RP9: variants seen among roughly 807,000 people sequenced by gnomAD.
RP9 encodes the protein retinitis pigmentosa 9 protein.
RP9 carries 23 observed loss-of-function variants against 32.6 expected under a neutral mutation model. The ratio of observed to expected loss-of-function variants is 0.71; its 90% CI spans 0.51 to 1.00. The LOEUF (loss-of-function observed/expected upper bound fraction) is 1.00, where lower values mean the gene tolerates loss of function less well. RP9 is among the 50% of genes least tolerant of loss of function. RP9 has a pLI of 0.00. For synonymous variants in RP9, 94 were observed against 103.6 expected, an observed-to-expected ratio of 0.91 and a Z score of 0.56; for missense variants, 245 against 285.3, an observed-to-expected ratio of 0.86 and a Z score of 1.02.
At chr7:33,100,891 C>T in intron 1 of RP9, 2 of 470,658 alleles carry the variant, frequency 4.2e-6, no homozygotes, top group African/African-American at 2.0e-5. Flanking sequence ...GGTGTTTGTG[C>T]ACTCAAAGAG....
intron 2 of RP9, 25 bp downstream of exon 2, chr7:33,100,506 C>A (rs1189674663): frequency 6.2e-7 from 1 of 1,600,356 alleles, no homozygotes; most frequent in Non-Finnish European, 8.6e-7. Context: ...TGTGGAATAA[C>A]CAAGAGTACA....
At chr7:33,096,057 C>T (rs376990231) in intron 5 of RP9, among the ~76,000 whole-genome samples, 6 of 152,278 alleles carry the variant, frequency 3.9e-5, no homozygotes, top group African/African-American at 4.8e-5. Context: ...TGGTCTCAAA[C>T]GCCTGGACTT....
At chr7:33,095,584 C>G in intron 5 of RP9, 152 bp from the exon 6 acceptor site, 1 of 1,370,724 alleles carries the variant, frequency 7.3e-7, no homozygotes, top group Non-Finnish European at 9.9e-7. Context: ...TCTCATTCTT[C>G]TCCACCTGAA....
intron 2 of RP9, among the ~76,000 whole-genome samples, chr7:33,099,843 C>T (rs1237869033): frequency 6.6e-6 from 1 of 152,132 alleles, no homozygotes; most frequent in Non-Finnish European, 1.5e-5. Flanking sequence ...ACCCTGAAGG[C>T]CCTGTCATGT....
rs376058131 is a variant in RP9 at position 33,095,183 on chromosome 7, T to C, written c.*51A>G. 2 of 1,592,452 alleles carry C rather than the reference T, an allele frequency of 1.3e-6. No individual in the cohort carries two copies. The highest frequency in any genetic ancestry group is 1.7e-6 in the Non-Finnish European group (2 of 1,160,792). ...TGCTTTCTCTGACTGCATCTTCCTC[T>C]GTTCCTTGGTCAGTGTTTGAGAAGA... On this transcript the variant is annotated 3_prime_UTR_variant, in exon 6 of 6. Transcript: ENST00000297157.
intron 1 of RP9, among the ~76,000 whole-genome samples, chr7:33,101,853 A>T (rs1788430542): frequency 6.6e-6 from 1 of 152,250 alleles, no homozygotes; most frequent in South Asian, 2.1e-4. Flanking sequence ...GGAAATCTGC[A>T]CAACTTGTGA....
chr7:33,109,390 C>A lies in RP9; in HGVS notation c.-18G>T. Reference sequence around the variant, plus strand: ...GACGACATGTCAGCCCCCGCAGCGCCGCTCGGGCAACCCCCGCGGCGCGGC... The same window carrying A: ...GACGACATGTCAGCCCCCGCAGCGCAGCTCGGGCAACCCCCGCGGCGCGGC... On this transcript the variant is annotated 5_prime_UTR_variant, in exon 1 of 6. Coordinates refer to ENST00000297157, the MANE Select transcript of RP9 (RefSeq NM_203288.2). This position sits in a 1 kb window ranked among gnomAD's most constrained non-coding sequence, Gnocchi z 4.9. 1 of 1,218,146 alleles carries A rather than the reference C, an allele frequency of 8.2e-7. No individual in the cohort carries two copies. Among genetic ancestry groups the A allele is most frequent in the Non-Finnish European group, 1.0e-6 (1 of 974,780 alleles). 75.5% of individuals were successfully genotyped at this position (1,218,146 alleles called of 1,614,324 possible). A position where few individuals can be genotyped will look rare whatever the true frequency, so the allele number is the denominator to read the frequency against.
In RP9 at chr7:33,109,300, C is replaced by T; in HGVS notation, c.73G>A (p.Glu25Lys). The T allele has an allele frequency of 1.4e-6, 2 of 1,475,390 alleles. No homozygotes were observed. The highest frequency in any genetic ancestry group is 1.8e-6 in the Non-Finnish European group (2 of 1,117,478). The allele number at this position is 1,475,390 out of a possible 1,614,324, so 91.4% of individuals were successfully genotyped here. A position where few individuals can be genotyped will look rare whatever the true frequency, so the allele number is the denominator to read the frequency against. ...ARRPREPPEQ[E>K]LQRRREQKRR... is the part of the protein sequence containing the mutation. Reference sequence around the variant, plus strand: ...TTCTGCTCCCGACGTCGCTGCAGCTCCTGCTCCGGCGGCTCACGCGGCCGC... The same window carrying T: ...TTCTGCTCCCGACGTCGCTGCAGCTTCTGCTCCGGCGGCTCACGCGGCCGC... Residue 25 changes from glutamate to lysine, a missense_variant, in exon 1 of 6, where the codon GAG (glutamate) becomes AAG (lysine). This residue lies in a region of RP9 where 182 missense variants were observed against 175.5 expected (regional missense o/e 1.04). Coordinates refer to ENST00000297157, the MANE Select transcript of RP9 (RefSeq NM_203288.2). The surrounding 1 kb of genome is among the most constrained non-coding windows in gnomAD (Gnocchi z 4.9).
intron 3 of RP9, among the ~76,000 whole-genome samples, chr7:33,097,607 GAATTACTTCAAA>G (rs1380954368): frequency 2.0e-5 from 3 of 152,120 alleles, no homozygotes; most frequent in Non-Finnish European, 4.4e-5. Flanking sequence ...ATCCAATGGA[GAATTACTTCAAA>G]AGGTGAATTT....
intron 1 of RP9, among the ~76,000 whole-genome samples, chr7:33,101,821 G>A (rs915090134): frequency 6.6e-6 from 1 of 152,144 alleles, no homozygotes; most frequent in Non-Finnish European, 1.5e-5. Flanking sequence ...GCATGACATA[G>A]GCCTAATGGA....
intron 1 of RP9, chr7:33,100,814 A>C: frequency 1.6e-6 from 1 of 642,274 alleles, no homozygotes; most frequent in Non-Finnish European, 2.9e-6. Flanking sequence ...GAGGAGACCC[A>C]GAATGCTGAG....
chr7:33,099,940 G>A (rs966432465), intron 2 of RP9, among the ~76,000 whole-genome samples: 3 of 151,884 alleles, frequency 2.0e-5, no homozygotes, highest in African/African-American at 7.3e-5. Flanking sequence ...TCAAACTTTT[G>A]GATTTTTTTC....
intron 1 of RP9, among the ~76,000 whole-genome samples, chr7:33,103,905 G>C (rs1788463575): frequency 6.6e-6 from 1 of 151,974 alleles, no homozygotes; most frequent in African/African-American, 2.4e-5. Context: ...ATGTAAGACA[G>C]CAATCAAAAT....
intron 1 of RP9, among the ~76,000 whole-genome samples, chr7:33,106,294 A>G (rs1788496967): frequency 6.6e-6 from 1 of 151,890 alleles, no homozygotes; most frequent in South Asian, 2.1e-4. Context: ...TCAGCCTCCC[A>G]AGTAGCTGGA....
chr7:33,109,163 G>T lies in RP9; in HGVS notation c.152+58C>A. 6.8e-7 allele frequency: 1 copy of T among 1,465,578 alleles called. No homozygotes were observed. Among genetic ancestry groups the T allele is most frequent in the Non-Finnish European group, 9.0e-7 (1 of 1,109,586 alleles). 90.8% of individuals were successfully genotyped at this position (1,465,578 alleles called of 1,614,324 possible). Reference sequence around the variant, plus strand: ...CCTAGCGCCCACCGCGGCGTCCCGCGCCCCGGGCCCCTGGCTTCAGAAGAC... The same window carrying T: ...CCTAGCGCCCACCGCGGCGTCCCGCTCCCCGGGCCCCTGGCTTCAGAAGAC... On this transcript the variant is annotated intron_variant, in intron 1 of 5. Coordinates refer to ENST00000297157, the MANE Select transcript of RP9 (RefSeq NM_203288.2). This position sits in a 1 kb window ranked among gnomAD's most constrained non-coding sequence, Gnocchi z 4.9.
chr7:33,108,397 C>T (rs923793219), intron 1 of RP9, among the ~76,000 whole-genome samples: 2 of 152,184 alleles, frequency 1.3e-5, no homozygotes, highest in Non-Finnish European at 2.9e-5. Flanking sequence ...AACATGCCAC[C>T]CTGGCATATT....
intron 3 of RP9, among the ~76,000 whole-genome samples, chr7:33,097,585 A>G (rs1172658733): frequency 6.6e-6 from 1 of 152,162 alleles, no homozygotes; most frequent in Non-Finnish European, 1.5e-5. Context: ...ATCACCAAGT[A>G]TTTATGAAGC....
chr7:33,095,646 T>C (rs1276992516), intron 5 of RP9, among the ~76,000 whole-genome samples: 1 of 152,214 alleles, frequency 6.6e-6, no homozygotes, highest in East Asian at 1.9e-4. Flanking sequence ...GTATTCTTTT[T>C]ATTGTCCTAG....
chr7:33,098,204 G>A (rs1788369904), intron 3 of RP9, among the ~76,000 whole-genome samples: 2 of 151,976 alleles, frequency 1.3e-5, no homozygotes, highest in African/African-American at 4.8e-5. Context: ...TAGGCAACAT[G>A]GTGAAACCCT....
Sources: gnomAD v4.1 joint callset for allele counts (sites outside exome capture counted in the v4.1 genomes callset) on GRCh38, gnomAD v4.1.1 for gene constraint, gnomAD v4.1.1 regional missense constraint, Gnocchi (gnomAD v3.1) non-coding constraint, MANE v1.5 for transcripts, NCBI Gene and HGNC (gene_info 2026-07-23, HGNC 2026-07-21) for gene names.